The following ZNF548 variants were observed in gnomAD, a reference collection of about 807,000 sequenced individuals.
ZNF548 encodes zinc finger protein 548.
A neutral mutation model predicts 10.2 loss-of-function variants in ZNF548; 10 were observed. The observed-to-expected ratio is 0.98, with a 90% CI of 0.60 to 1.66. The LOEUF is 1.66. Among genes scored for constraint, ZNF548 ranks in the 40% most tolerant of loss-of-function variants. The pLI is 0.00. For missense variants in ZNF548, 599 were observed against 657.0 expected (o/e 0.91, Z 0.97); for synonymous variants, 217 against 223.5 (o/e 0.97, Z 0.26).
chr19:57,396,787 G>A, intron 2 of ZNF548: 1 of 392,214 alleles, frequency 2.5e-6, no homozygotes, highest in Non-Finnish European at 4.5e-6. Context: ...AGTTTGGCTA[G>A]TTTAAATAAT....
At chr19:57,396,956 A>G (rs2088670091) in intron 2 of ZNF548, 92 bp from the exon 3 acceptor site, 4 of 1,506,418 alleles carry the variant, frequency 2.7e-6, no homozygotes, top group East Asian at 2.3e-5. Context: ...CCTGTGTTTA[A>G]TGGGTGGTAA....
Position 57,390,179 on chromosome 19 carries a change from G to A in ZNF548, c.15+65G>A, listed in dbSNP as rs1405825512. 6 of 1,572,994 alleles carry A rather than the reference G, an allele frequency of 3.8e-6. No homozygotes were observed. In the East Asian group the frequency reaches 6.7e-5, roughly 18 times the overall value. ...TCCCAGTGCTGAAGCCCCCTGAAGG[G>A]GCCCTGCAGGTCAGGCCCCTTGTCC... On this transcript the variant is annotated intron_variant, in intron 1 of 3. Coordinates refer to ENST00000336128, the MANE Select transcript of ZNF548 (RefSeq NM_001172773.2).
rs2088659474 is a variant in ZNF548, at chr19:57,395,629, T to C, written c.51+1406T>C. Among the ~76,000 whole-genome samples the C allele has an allele frequency of 6.6e-6, 1 of 152,076 alleles. No homozygotes were observed. Among genetic ancestry groups the C allele is most frequent in the Non-Finnish European group, 1.5e-5 (1 of 68,000 alleles). ...ACAACCAGATCTCGTGAGAACTTAC[T>C]ATTATGAGAAAGGCAAGGGGAAAAT... On this transcript the variant is annotated intron_variant, in intron 2 of 3. Transcript: ENST00000336128. The surrounding 1 kb of genome is among the most constrained non-coding windows in gnomAD (Gnocchi z 4.8).
At chr19:57,396,324 G>A (rs1249314906) in intron 2 of ZNF548, among the ~76,000 whole-genome samples, 2 of 152,278 alleles carry the variant, frequency 1.3e-5, no homozygotes, top group African/African-American at 2.4e-5. Context: ...ATCCCCCCAC[G>A]GGAGGCCCAC....
rs766938735 is a variant in ZNF548 at position 57,399,511 on chromosome 19, C to G, written c.1260C>G (p.Leu420=). 6.2e-7 allele frequency: 1 copy of G among 1,613,810 alleles called. No individual in the cohort carries two copies. The highest frequency in any genetic ancestry group is 8.5e-7 in the Non-Finnish European group (1 of 1,179,964). Residue 420 remains leucine (L), a synonymous_variant, in exon 4 of 4, where the codon CTC becomes CTG. Transcript: ENST00000336128. This position sits in a 1 kb window ranked among gnomAD's most constrained non-coding sequence, Gnocchi z 4.0. ...AATCATTTAGGTACCACTGCAGGCT[C>G]ATTAGACACCAGAGAGTCCACACGG... ...CGKSFRYHCR[L]IRHQRVHTGE...
In ZNF548 at chr19:57,398,995, C is replaced by T. The variant is rs1463272679; in HGVS notation, c.744C>T (p.Tyr248=). Residue 248 remains tyrosine (Y), a synonymous_variant, in exon 4 of 4, where the codon TAC becomes TAT. Coordinates refer to ENST00000336128, the MANE Select transcript of ZNF548 (RefSeq NM_001172773.2). ...ECNKCGKFFK[Y]SANFMKHQTV... is the part of the protein sequence containing the mutation. ...ACAAATGTGGGAAATTCTTTAAGTA[C>T]AGTGCCAATTTCATGAAACATCAGA... is the stretch of plus-strand genomic sequence containing the variant. 13 of 1,613,924 alleles carry T rather than the reference C, an allele frequency of 8.1e-6. No individual in the cohort carries two copies. The South Asian group carries it at 1.2e-4, about 15-fold the overall frequency.
At chr19:57,392,692 T>C in intron 1 of ZNF548, 1 of 743,342 alleles carries the variant, frequency 1.3e-6, no homozygotes, top group South Asian at 6.1e-5. Context: ...GTACACCTTA[T>C]GTGTCTATTT....
In ZNF548 at chr19:57,401,629, G is replaced by T. The variant is rs1017790033; in HGVS notation, c.*1740G>T. The T allele has an allele frequency of 1.3e-5, 2 of 151,534 alleles. No homozygotes were observed. Among genetic ancestry groups the T allele is most frequent in the Admixed American group, 6.6e-5 (1 of 15,218 alleles). 9.4% of individuals were successfully genotyped at this position (151,534 alleles called of 1,614,324 possible). A position where few individuals can be genotyped will look rare whatever the true frequency, so the allele number is the denominator to read the frequency against. Reference sequence around the variant, plus strand: ...TATCTATTTTTACTTCTGTTACCTGGGCTTTTGATGTTATATATTAAAAAA... The same window carrying T: ...TATCTATTTTTACTTCTGTTACCTGTGCTTTTGATGTTATATATTAAAAAA... On this transcript the variant is annotated 3_prime_UTR_variant, in exon 4 of 4. Coordinates refer to ENST00000336128, the MANE Select transcript of ZNF548 (RefSeq NM_001172773.2).
At position 57,398,886 on chromosome 19, in the gene ZNF548, G is replaced by A. The variant is rs1455681898; in HGVS notation, c.635G>A (p.Ser212Asn). ...FQTGQNDYKC[S>N]ECGKTFTCSY... ...ACTGGACAAAATGATTACAAATGTA[G>A]TGAATGTGGGAAAACCTTCACCTGC... The change falls in exon 4 of 4, where the codon AGT becomes AAT. Residue 212 changes from serine to asparagine, a missense_variant. Transcript: ENST00000336128. The A allele has an allele frequency of 1.2e-6, 2 of 1,614,058 alleles. No individual in the cohort carries two copies. The highest frequency in any genetic ancestry group is 1.3e-5 in the African/African-American group (1 of 75,066).
At position 57,399,484 on chromosome 19, in the gene ZNF548, G is replaced by A; in HGVS notation, c.1233G>A (p.Gly411=). ...GERPYKCSEC[G]KSFRYHCRLI... is the part of the protein sequence containing the mutation. Reference sequence around the variant, plus strand: ...GGCCTTATAAATGCAGTGAATGTGGGAAATCATTTAGGTACCACTGCAGGC... The same window carrying A: ...GGCCTTATAAATGCAGTGAATGTGGAAAATCATTTAGGTACCACTGCAGGC... Residue 411 remains glycine (G), a synonymous_variant, in exon 4 of 4, where the codon GGG becomes GGA. Transcript: ENST00000336128. The surrounding 1 kb of genome is among the most constrained non-coding windows in gnomAD (Gnocchi z 4.0). The A allele has an allele frequency of 6.2e-7, 1 of 1,614,046 alleles. No homozygotes were observed. The highest frequency in any genetic ancestry group is 8.5e-7 in the Non-Finnish European group (1 of 1,179,988).
chr19:57,395,733 T>C lies in ZNF548; in HGVS notation c.52-1315T>C, dbSNP rs990468897. Reference sequence around the variant, plus strand: ...ATTACAATTTGACATGAGATTTGGGTGGGGACACAGAGCCAAACCATATCA... The same window carrying C: ...ATTACAATTTGACATGAGATTTGGGCGGGGACACAGAGCCAAACCATATCA... On this transcript the variant is annotated intron_variant, in intron 2 of 3. Coordinates refer to ENST00000336128, the MANE Select transcript of ZNF548 (RefSeq NM_001172773.2). The surrounding 1 kb of genome is among the most constrained non-coding windows in gnomAD (Gnocchi z 4.8). 2.0e-5 allele frequency among the ~76,000 whole-genome samples: 3 copies of C among 152,066 alleles called. No individual in the cohort carries two copies. Among genetic ancestry groups the C allele is most frequent in the African/African-American group, 7.3e-5 (3 of 41,374 alleles).
Position 57,399,735 on chromosome 19 carries a change from A to G in ZNF548, c.1484A>G (p.Gln495Arg), listed in dbSNP as rs1158675489. 3.1e-6 allele frequency: 5 copies of G among 1,614,206 alleles called. No homozygotes were observed. Among genetic ancestry groups the G allele is most frequent in the South Asian group, 1.1e-5 (1 of 91,090 alleles). The change falls in exon 4 of 4, where the codon CAG becomes CGG. Residue 495 changes from glutamine to arginine, a missense_variant. Coordinates refer to ENST00000336128, the MANE Select transcript of ZNF548 (RefSeq NM_001172773.2). The surrounding 1 kb of genome is among the most constrained non-coding windows in gnomAD (Gnocchi z 4.0). ...AGACCTTATGAGTGCAGCGAATGCC[A>G]GAAGGCCTTTATTAGAAAGTCTCAC... ...GERPYECSEC[Q>R]KAFIRKSHLV...
chr19:57,401,594 T>C lies in ZNF548; in HGVS notation c.*1705T>C, dbSNP rs1455088290. 2 of 152,138 alleles carry C rather than the reference T, an allele frequency of 1.3e-5. No homozygotes were observed. The highest frequency in any genetic ancestry group is 1.9e-4 in the East Asian group (1 of 5,188). The allele number at this position is 152,138 out of a possible 1,614,324, so 9.4% of individuals were successfully genotyped here. On this transcript the variant is annotated 3_prime_UTR_variant, in exon 4 of 4. Transcript: ENST00000336128. ...CCCCACAGACACCAAGGGATGACTG[T>C]AGTGCATTTTATCTATTTTTACTTC...
chr19:57,395,510 C>T lies in ZNF548; in HGVS notation c.51+1287C>T, dbSNP rs1221026717. On this transcript the variant is annotated intron_variant, in intron 2 of 3. Transcript: ENST00000336128. The surrounding 1 kb of genome is among the most constrained non-coding windows in gnomAD (Gnocchi z 4.8). ...ACTGGGAGGCCTCAGGAAACACAAT[C>T]CTGGCGGAAGGTGAAGGGGAAGCGA... 1.3e-5 allele frequency among the ~76,000 whole-genome samples: 2 copies of T among 152,114 alleles called. No homozygotes were observed. The highest frequency in any genetic ancestry group is 2.9e-5 in the Non-Finnish European group (2 of 68,018).
Position 57,400,013 on chromosome 19 carries a change from C to A in ZNF548, c.*124C>A. On this transcript the variant is annotated 3_prime_UTR_variant, in exon 4 of 4. Coordinates refer to ENST00000336128, the MANE Select transcript of ZNF548 (RefSeq NM_001172773.2). ...CATTAACAACAACTCATTCCCCTTC[C>A]CTACTTCCCCAGAAATGTCTCAACT... is the stretch of plus-strand genomic sequence containing the variant. The A allele has an allele frequency of 1.4e-6, 1 of 718,354 alleles. No individual in the cohort carries two copies. Among genetic ancestry groups the A allele is most frequent in the South Asian group, 2.0e-5 (1 of 49,284 alleles). The allele number at this position is 718,354 out of a possible 1,614,324, so 44.5% of individuals were successfully genotyped here. A position where few individuals can be genotyped will look rare whatever the true frequency, so the allele number is the denominator to read the frequency against.
At chr19:57,397,224 T>G (rs1371588675) in intron 3 of ZNF548, 50 bp downstream of exon 3, 16 of 1,498,326 alleles carry the variant, frequency 1.1e-5, no homozygotes, top group Non-Finnish European at 1.4e-5. Flanking sequence ...GTGTTACCCC[T>G]TTTTACCCAA....
At position 57,400,064 on chromosome 19, in the gene ZNF548, T is replaced by C. The variant is rs2088702888; in HGVS notation, c.*175T>C. 4 of 574,824 alleles carry C rather than the reference T, an allele frequency of 7.0e-6. No individual in the cohort carries two copies. The highest frequency in any genetic ancestry group is 9.1e-6 in the Non-Finnish European group (3 of 327,930). 35.6% of individuals were successfully genotyped at this position (574,824 alleles called of 1,614,324 possible). On this transcript the variant is annotated 3_prime_UTR_variant, in exon 4 of 4. Transcript: ENST00000336128. ...ATATTTCTATACTCTATGGTACTTA[T>C]ATGAGGTACCAATAGATATCTATGA...
In ZNF548 at chr19:57,398,830, C is replaced by T. The variant is rs1352540869; in HGVS notation, c.579C>T (p.Tyr193=). The change falls in exon 4 of 4, where the codon TAC becomes TAT. Residue 193 remains tyrosine, a synonymous_variant. Coordinates refer to ENST00000336128, the MANE Select transcript of ZNF548 (RefSeq NM_001172773.2). ...GCCCTCAAAGCGAGTGGAAGCCATA[C>T]AGGGACACAGAGGACAGAGAAGCCT... The part of the protein sequence containing the change: ...HQGPQSEWKP[Y]RDTEDREAFQ... 4 of 1,613,892 alleles carry T rather than the reference C, an allele frequency of 2.5e-6. No homozygotes were observed. The African/African-American group carries it at 4.0e-5, about 16-fold the overall frequency.
At chr19:57,390,215 G>A (rs1452734504) in intron 1 of ZNF548, 101 bp downstream of exon 1, 2 of 1,394,740 alleles carry the variant, frequency 1.4e-6, no homozygotes, top group African/African-American at 2.9e-5. Context: ...CGAAGAGAGG[G>A]GCGTTCCTGT....
Sources: allele counts gnomAD v4.1 joint callset (sites outside exome capture counted in the v4.1 genomes callset), GRCh38; gene constraint gnomAD v4.1.1; non-coding constraint Gnocchi (gnomAD v3.1); transcripts MANE v1.5; gene names NCBI Gene and HGNC (gene_info 2026-07-23, HGNC 2026-07-21).